TXNL4A: variants seen among roughly 807,000 people sequenced by gnomAD.
TXNL4A encodes the protein thioredoxin like 4A.
A neutral mutation model predicts 14.6 loss-of-function variants in TXNL4A; 17 were observed. The observed-to-expected ratio is 1.16, with a 90% CI of 0.80 to 1.74. The LOEUF (loss-of-function observed/expected upper bound fraction) is 1.74, where lower values mean the gene tolerates loss of function less well. Ranked by LOEUF, TXNL4A falls within the 40% of genes most tolerant of loss-of-function variation. The pLI is 0.00. For missense variants in TXNL4A, 74 were observed against 195.2 expected, an observed-to-expected ratio of 0.38 and a Z score of 3.70; for synonymous variants, 83 against 70.6, an observed-to-expected ratio of 1.18 and a Z score of -0.88.
At chr18:80,033,540 G>A (rs2051940740) in intron 1 of TXNL4A, among the ~76,000 whole-genome samples, 1 of 152,266 alleles carries the variant, frequency 6.6e-6, no homozygotes, top group Admixed American at 6.5e-5. Flanking sequence ...GCAAAGCCCT[G>A]GAGGGCCCAG....
chr18:79,987,815 C>T (rs1439572939), intron 1 of TXNL4A, among the ~76,000 whole-genome samples: 1 of 152,226 alleles, frequency 6.6e-6, no homozygotes, highest in Non-Finnish European at 1.5e-5. Flanking sequence ...AGCAGGATTT[C>T]TCATGCTATG....
chr18:80,006,609 A>G (rs1032819175), intron 1 of TXNL4A, among the ~76,000 whole-genome samples: 6 of 152,172 alleles, frequency 3.9e-5, no homozygotes, highest in Non-Finnish European at 4.4e-5. Context: ...AAGCGGTGTC[A>G]TTTGTCTGGG....
chr18:79,981,202 C>T (rs372921514), intron 1 of TXNL4A, among the ~76,000 whole-genome samples: 3 of 152,152 alleles, frequency 2.0e-5, no homozygotes, highest in South Asian at 2.1e-4. Context: ...TATTAACTTA[C>T]GGAATCACCA....
At chr18:80,015,097 C>G (rs915598742) in intron 1 of TXNL4A, among the ~76,000 whole-genome samples, 3 of 152,242 alleles carry the variant, frequency 2.0e-5, no homozygotes, top group African/African-American at 7.2e-5. Context: ...CCCACAAAAA[C>G]ATTTTTTCCT....
chr18:80,021,255 C>T (rs368378747), intron 1 of TXNL4A, among the ~76,000 whole-genome samples: 40 of 151,994 alleles, frequency 2.6e-4, no homozygotes, highest in African/African-American at 9.4e-4. Flanking sequence ...CAGCTCACTG[C>T]AAGCTCCACC....
chr18:80,009,202 G>A (rs2051753247), intron 1 of TXNL4A, among the ~76,000 whole-genome samples: 1 of 152,056 alleles, frequency 6.6e-6, no homozygotes, highest in Non-Finnish European at 1.5e-5. Context: ...TGTAAATTAA[G>A]CCATCATCTT....
intron 1 of TXNL4A, among the ~76,000 whole-genome samples, chr18:80,028,291 T>A (rs914357557): frequency 6.1e-5 from 9 of 148,754 alleles, no homozygotes; most frequent in Admixed American, 5.4e-4. Context: ...TAAGTATGGG[T>A]TCCCCCCTTA....
chr18:80,004,188 G>T lies in TXNL4A; in HGVS notation c.-60-26487C>A, dbSNP rs183608992. Among the ~76,000 whole-genome samples, 11 of 152,228 alleles carry T rather than the reference G, an allele frequency of 7.2e-5. No homozygotes were observed. The East Asian group carries it at 2.1e-3, about 29-fold the overall frequency. On this transcript the variant is annotated intron_variant, in intron 1 of 2. Coordinates refer to the TXNL4A transcript ENST00000585474. ...AAAGTTAAGGGATTCCTTGGGGCAG[G>T]GTTGGCAGGTAAGTAGAGGGATTCC... is the stretch of plus-strand genomic sequence containing the variant.
intron 1 of TXNL4A, among the ~76,000 whole-genome samples, chr18:80,019,907 A>C (rs750727449): frequency 6.6e-5 from 10 of 152,020 alleles, no homozygotes; most frequent in African/African-American, 9.7e-5. Context: ...ATCCATTTTT[A>C]ATGGTTAAAG....
At chr18:80,017,380 C>G (rs1053297268) in intron 1 of TXNL4A, among the ~76,000 whole-genome samples, 1 of 151,500 alleles carries the variant, frequency 6.6e-6, no homozygotes, top group African/African-American at 2.4e-5. Context: ...ATTGCCCTGG[C>G]CAGAACTTCC....
At position 79,982,502 on chromosome 18, in the gene TXNL4A, TG is replaced by T. The variant is rs927948989; in HGVS notation, c.154-4802del. Among the ~76,000 whole-genome samples, 9 of 151,878 alleles carry T rather than the reference TG, an allele frequency of 5.9e-5. No homozygotes were observed. Among genetic ancestry groups the T allele is most frequent in the African/African-American group, 2.2e-4 (9 of 41,300 alleles). On this transcript the variant is annotated intron_variant, in intron 1 of 2. Coordinates refer to ENST00000269601, the MANE Select transcript of TXNL4A (RefSeq NM_006701.5). The surrounding 1 kb of genome is among the most constrained non-coding windows in gnomAD (Gnocchi z 4.0). ...CAGCCAGGGTGGCAGGTGCCAGGCT[TG>T]GGAGTGAGTGCAGAAGCCCACTGTA...
chr18:79,989,317 C>A (rs1357657135), upstream of TXNL4A, among the ~76,000 whole-genome samples: 1 of 151,950 alleles, frequency 6.6e-6, no homozygotes, highest in African/African-American at 2.4e-5. Context: ...ACCATGTTGG[C>A]CAGGCTGGTC....
At chr18:79,976,862 T>A (rs915603646) in intron 2 of TXNL4A, 2 of 447,912 alleles carry the variant, frequency 4.5e-6, no homozygotes, top group Non-Finnish European at 8.9e-6. Flanking sequence ...TTTGAGCTGA[T>A]AAAATAATCT....
At chr18:79,978,909 T>G (rs1270641552) in intron 1 of TXNL4A, among the ~76,000 whole-genome samples, 1 of 151,968 alleles carries the variant, frequency 6.6e-6, no homozygotes, top group African/African-American at 2.4e-5. Context: ...CTACAATATT[T>G]TGTATGCTGC....
chr18:80,017,478 A>C (rs1224817220), intron 1 of TXNL4A, among the ~76,000 whole-genome samples: 2 of 152,066 alleles, frequency 1.3e-5, no homozygotes, highest in Non-Finnish European at 2.9e-5. Context: ...TTGCCCATTC[A>C]GTATGATATT....
At chr18:80,007,316 C>A (rs2051738030) in intron 1 of TXNL4A, among the ~76,000 whole-genome samples, 1 of 152,136 alleles carries the variant, frequency 6.6e-6, no homozygotes, top group Non-Finnish European at 1.5e-5. Flanking sequence ...AATTTCTGTC[C>A]TTTTTAAGGG....
rs972031045 is a variant in TXNL4A at position 79,982,770 on chromosome 18, A to G, written c.154-5069T>C. Reference sequence around the variant, plus strand: ...TTGGGAGTTCAGATAGGAGAGGCTGAAAGAGGCAGGCAGAGGGGAGCTCCC... The same window carrying G: ...TTGGGAGTTCAGATAGGAGAGGCTGGAAGAGGCAGGCAGAGGGGAGCTCCC... On this transcript the variant is annotated intron_variant, in intron 1 of 2. Coordinates refer to ENST00000269601, the MANE Select transcript of TXNL4A (RefSeq NM_006701.5). This position sits in a 1 kb window ranked among gnomAD's most constrained non-coding sequence, Gnocchi z 4.0. 2.6e-5 allele frequency among the ~76,000 whole-genome samples: 4 copies of G among 152,082 alleles called. No individual in the cohort carries two copies. The highest frequency in any genetic ancestry group is 7.2e-5 in the African/African-American group (3 of 41,396).
At chr18:79,975,983 G>A (rs1003061449) in intron 2 of TXNL4A, among the ~76,000 whole-genome samples, 7 of 152,198 alleles carry the variant, frequency 4.6e-5, no homozygotes, top group South Asian at 2.1e-4. Context: ...GGTCAGCCAC[G>A]CAACCTTTGC....
intron 1 of TXNL4A, among the ~76,000 whole-genome samples, chr18:80,027,323 A>C (rs375794439): frequency 1.4e-4 from 21 of 152,128 alleles, no homozygotes; most frequent in African/African-American, 5.1e-4. Flanking sequence ...TAAAACAAAA[A>C]CAAAAACAAA....
Sources: allele counts gnomAD v4.1 joint callset (sites outside exome capture counted in the v4.1 genomes callset), GRCh38; gene constraint gnomAD v4.1.1; non-coding constraint Gnocchi (gnomAD v3.1); transcripts MANE v1.5; gene names NCBI Gene and HGNC (gene_info 2026-07-23, HGNC 2026-07-21).